MAP4K5: variants seen among roughly 807,000 people sequenced by gnomAD.
MAP4K5 encodes MAPK/ERK kinase kinase kinase 5.
MAP4K5 carries 82 observed loss-of-function variants against 135.6 expected under a neutral mutation model. The ratio of observed to expected loss-of-function variants is 0.60; its 90% CI spans 0.51 to 0.73. The LOEUF is 0.73. MAP4K5 is among the 30% of genes least tolerant of loss of function. The pLI is 0.00. For missense variants in MAP4K5, 907 were observed against 1,010.9 expected (o/e 0.90, Z 1.39); for synonymous variants, 347 against 335.0 (o/e 1.04, Z -0.39).
At chr14:50,487,738 T>C (rs980020490) in intron 3 of MAP4K5, among the ~76,000 whole-genome samples, 2 of 152,190 alleles carry the variant, frequency 1.3e-5, no homozygotes, top group Non-Finnish European at 2.9e-5. Flanking sequence ...GAGTAAGCCC[T>C]GAAGGTGACA....
intron 2 of MAP4K5, among the ~76,000 whole-genome samples, chr14:50,507,540 A>G (rs1341907905): frequency 1.3e-5 from 2 of 152,132 alleles, no homozygotes; most frequent in Non-Finnish European, 2.9e-5. Flanking sequence ...AGATTCTGGT[A>G]TGTTGTGTCT....
chr14:50,504,675 G>T, intron 3 of MAP4K5, 125 bp downstream of exon 3: 1 of 689,322 alleles, frequency 1.5e-6, no homozygotes, highest in Non-Finnish European at 2.4e-6. Flanking sequence ...CACCTTCAGG[G>T]TAATTTAATT....
At chr14:50,468,544 C>G in intron 10 of MAP4K5, 107 bp downstream of exon 10, 2 of 1,165,904 alleles carry the variant, frequency 1.7e-6, no homozygotes, top group Non-Finnish European at 2.4e-6. Context: ...CTTACAATAC[C>G]TTTACTATTT....
At chr14:50,538,082 C>T (rs1216380243) in intron 2 of MAP4K5, among the ~76,000 whole-genome samples, 58 of 152,106 alleles carry the variant, frequency 3.8e-4, no homozygotes, top group East Asian at 1.9e-4. Context: ...TGAATTCCCA[C>T]GTGAGAGAGG....
Position 50,532,032 on chromosome 14 carries a change from C to A in MAP4K5, c.18G>T (p.Arg6=). MEAPL[R]PAADILRRNP... Reference sequence around the variant, plus strand: ...TCCGCCTCAGGATGTCCGCGGCAGGCCGCAGCGGGGCCTCCATCTTCACTT... The same window carrying A: ...TCCGCCTCAGGATGTCCGCGGCAGGACGCAGCGGGGCCTCCATCTTCACTT... The change falls in exon 2 of 33, where the codon CGG becomes CGT. Residue 6 remains arginine, a synonymous_variant. Coordinates refer to ENST00000682126, the MANE Select transcript of MAP4K5 (RefSeq NM_006575.6). 6.3e-7 allele frequency: 1 copy of A among 1,576,210 alleles called. No homozygotes were observed. Among genetic ancestry groups the A allele is most frequent in the Non-Finnish European group, 8.6e-7 (1 of 1,159,418 alleles).
chr14:50,471,811 C>A (rs1439646124), intron 9 of MAP4K5: 2 of 152,116 alleles, frequency 1.3e-5, no homozygotes, highest in East Asian at 3.9e-4. Context: ...TAATACTAGA[C>A]AGAAACCCTA....
At chr14:50,421,284 G>T (rs1221867190) in intron 32 of MAP4K5, among the ~76,000 whole-genome samples, 2 of 151,722 alleles carry the variant, frequency 1.3e-5, no homozygotes, top group Admixed American at 1.3e-4. Flanking sequence ...TTTAGATGGA[G>T]TTTTGCTCTT....
intron 3 of MAP4K5, among the ~76,000 whole-genome samples, chr14:50,493,430 T>C (rs2037528296): frequency 6.6e-6 from 1 of 152,188 alleles, no homozygotes; most frequent in Admixed American, 6.5e-5. Context: ...CAGACTATTT[T>C]CACTAATCAA....
intron 9 of MAP4K5, among the ~76,000 whole-genome samples, chr14:50,470,993 A>G (rs1488756246): frequency 1.3e-5 from 2 of 152,094 alleles, no homozygotes; most frequent in African/African-American, 2.4e-5. Flanking sequence ...TCGTTCTACC[A>G]ATTTCTTTTC....
At chr14:50,508,213 C>G (rs1215514393) in intron 2 of MAP4K5, among the ~76,000 whole-genome samples, 1 of 152,112 alleles carries the variant, frequency 6.6e-6, no homozygotes, top group Non-Finnish European at 1.5e-5. Context: ...GATTTTCCTC[C>G]ATCCCTCCAT....
chr14:50,441,743 TAC>T (rs57651486), intron 21 of MAP4K5, among the ~76,000 whole-genome samples: 3,287 of 141,476 alleles, frequency 0.023, 55 homozygotes, highest in East Asian at 0.068. Flanking sequence ...AATTATTTTA[TAC>T]ACACACACAC....
At chr14:50,426,765 C>T (rs992965435) in intron 30 of MAP4K5, among the ~76,000 whole-genome samples, 1 of 152,072 alleles carries the variant, frequency 6.6e-6, no homozygotes, top group Non-Finnish European at 1.5e-5. Flanking sequence ...AATAAACCTG[C>T]CCCACAATCC....
At chr14:50,547,879 G>C (rs1164523559) in intron 1 of MAP4K5, among the ~76,000 whole-genome samples, 1 of 152,152 alleles carries the variant, frequency 6.6e-6, no homozygotes, top group Non-Finnish European at 1.5e-5. Flanking sequence ...GGACTTTCCA[G>C]GTACTACCAA....
intron 14 of MAP4K5, among the ~76,000 whole-genome samples, chr14:50,451,102 G>C (rs563093239): frequency 6.6e-6 from 1 of 152,272 alleles, no homozygotes; most frequent in African/African-American, 2.4e-5. Context: ...ATATGGATGT[G>C]TGTGTATATA....
rs1201490987 is a variant in MAP4K5 at position 50,441,740 on chromosome 14, TTA to T, written c.1564+990_1564+991del. The stretch of plus-strand genomic sequence containing the variant: ...ACTCTGTCTCTAAAAAAAAATTATT[TTA>T]TACACACACACACACACACACACAC... On this transcript the variant is annotated intron_variant, in intron 21 of 32. Transcript: ENST00000682126. Among the ~76,000 whole-genome samples the T allele has an allele frequency of 2.6e-5, 3 of 115,152 alleles. No homozygotes were observed. In the East Asian group the frequency reaches 7.8e-4, roughly 30 times the overall value. The allele number at this position is 115,152 out of a possible 152,430, so 75.5% of individuals were successfully genotyped here.
chr14:50,442,563 C>T (rs780403194), intron 21 of MAP4K5, among the ~76,000 whole-genome samples, 169 bp downstream of exon 21: 7 of 152,052 alleles, frequency 4.6e-5, no homozygotes, highest in South Asian at 2.1e-4. Flanking sequence ...TAAATTTTAA[C>T]GCCTTTAAAC....
At chr14:50,532,284 AG>A (rs946505148) in intron 1 of MAP4K5, 126 bp from the exon 2 acceptor site, 4 of 455,918 alleles carry the variant, frequency 8.8e-6, no homozygotes, top group African/African-American at 8.5e-5. Flanking sequence ...GGGGCCTGGA[AG>A]GGCCCCCGGC....
intron 3 of MAP4K5, among the ~76,000 whole-genome samples, 186 bp from the exon 4 acceptor site, chr14:50,486,380 C>T (rs972994762): frequency 6.6e-6 from 1 of 151,914 alleles, no homozygotes; most frequent in Non-Finnish European, 1.5e-5. Context: ...AATCTTTGAA[C>T]CCACAATTTT....
rs149256551 is a variant in MAP4K5 at position 50,459,843 on chromosome 14, G to A, written c.936+2822C>T. On this transcript the variant is annotated intron_variant, in intron 13 of 32. Coordinates refer to ENST00000682126, the MANE Select transcript of MAP4K5 (RefSeq NM_006575.6). ...CTCCTGAGTAGCTGGGACTACAGGC[G>A]TGTGCCACCATGCCCAGCTAATTTT... Among the ~76,000 whole-genome samples the A allele has an allele frequency of 2.7e-3, 418 of 152,002 alleles. 1 individual carries two copies. The highest frequency in any genetic ancestry group is 9.3e-3 in the African/African-American group (386 of 41,472).
Sources: allele counts gnomAD v4.1 joint callset (sites outside exome capture counted in the v4.1 genomes callset), GRCh38; gene constraint gnomAD v4.1.1; transcripts MANE v1.5; gene names NCBI Gene and HGNC (gene_info 2026-07-23, HGNC 2026-07-21).